The following GABRG3 variants were observed in gnomAD, a reference collection of about 807,000 sequenced individuals.
GABRG3 encodes gamma-aminobutyric acid receptor subunit gamma-3.
In GABRG3, 25 loss-of-function variants were observed where a neutral mutation model predicts 48.8. The ratio of observed to expected loss-of-function variants is 0.51; its 90% CI spans 0.37 to 0.72. GABRG3 has a LOEUF of 0.72. Ranked by LOEUF, GABRG3 falls within the 30% of genes least tolerant of loss-of-function variation. GABRG3 has a pLI of 0.00. For missense variants in GABRG3, 394 were observed against 577.9 expected (o/e 0.68, Z 3.26); for synonymous variants, 227 against 217.6 (o/e 1.04, Z -0.38).
At chr15:27,414,809 G>A (rs968473225) in intron 5 of GABRG3, among the ~76,000 whole-genome samples, 4 of 152,094 alleles carry the variant, frequency 2.6e-5, no homozygotes, top group South Asian at 4.1e-4. Flanking sequence ...TTCCTGCCCC[G>A]TGTTTTTCAG....
At chr15:27,313,735 A>G (rs1010401990) in intron 3 of GABRG3, among the ~76,000 whole-genome samples, 1 of 152,158 alleles carries the variant, frequency 6.6e-6, no homozygotes, top group Non-Finnish European at 1.5e-5. Context: ...CAATAGGTCA[A>G]AGAAGAAATC....
Position 27,306,751 on chromosome 15 carries a change from C to T in GABRG3, c.271-20058C>T, listed in dbSNP as rs556049718. ...TATATATAAACATATACAATATAAA[C>T]ATGTTTATATATAAACATACAATAT... On this transcript the variant is annotated intron_variant, in intron 3 of 9. Transcript: ENST00000615808. 1.7e-4 allele frequency among the ~76,000 whole-genome samples: 20 copies of T among 117,344 alleles called. No individual in the cohort carries two copies. The East Asian group carries it at 2.2e-3, about 13-fold the overall frequency. The allele number at this position is 117,344 out of a possible 152,430, so 77.0% of individuals were successfully genotyped here. A position where few individuals can be genotyped will look rare whatever the true frequency, so the allele number is the denominator to read the frequency against.
chr15:27,355,004 G>A (rs1354389315), intron 5 of GABRG3, among the ~76,000 whole-genome samples: 1 of 152,160 alleles, frequency 6.6e-6, no homozygotes, highest in African/African-American at 2.4e-5. Flanking sequence ...GAAGGAGAGA[G>A]CTCTGCCAAT....
chr15:27,382,839 G>A (rs1281156692), intron 5 of GABRG3, among the ~76,000 whole-genome samples: 3 of 152,178 alleles, frequency 2.0e-5, no homozygotes, highest in Non-Finnish European at 4.4e-5. Flanking sequence ...GGAGGAGTTG[G>A]TTTCGGTGGA....
chr15:27,472,605 C>G (rs928762158), intron 5 of GABRG3, among the ~76,000 whole-genome samples: 2 of 151,990 alleles, frequency 1.3e-5, no homozygotes, highest in African/African-American at 4.8e-5. Context: ...CTGTATGCCT[C>G]TAATTGTTTT....
At chr15:27,433,557 CTT>C (rs1186764886) in intron 5 of GABRG3, among the ~76,000 whole-genome samples, 1 of 152,186 alleles carries the variant, frequency 6.6e-6, no homozygotes, top group Non-Finnish European at 1.5e-5. Flanking sequence ...TTTCAGACGT[CTT>C]TACTCTGTCA....
chr15:27,138,342 G>A (rs950104639), intron 3 of GABRG3, among the ~76,000 whole-genome samples: 14 of 152,086 alleles, frequency 9.2e-5, no homozygotes, highest in Admixed American at 7.9e-4. Context: ...TTCTGACCAC[G>A]TAAATATGGT....
intron 2 of GABRG3, among the ~76,000 whole-genome samples, chr15:26,996,651 T>TA (rs1895345867): frequency 3.3e-5 from 5 of 151,012 alleles, no homozygotes; most frequent in African/African-American, 9.7e-5. Context: ...TTTATTTATT[T>TA]TATTTTAATT....
intron 6 of GABRG3, among the ~76,000 whole-genome samples, chr15:27,509,448 T>C (rs1190926943): frequency 1.3e-5 from 2 of 152,198 alleles, no homozygotes; most frequent in Non-Finnish European, 2.9e-5. Context: ...TGTTTTCTCT[T>C]CTTCTTTTGG....
chr15:27,146,938 C>T (rs1270549148), intron 3 of GABRG3, among the ~76,000 whole-genome samples: 1 of 151,918 alleles, frequency 6.6e-6, no homozygotes, highest in African/African-American at 2.4e-5. Context: ...CTACCTTATT[C>T]ATAATTACAT....
intron 6 of GABRG3, among the ~76,000 whole-genome samples, chr15:27,505,926 A>T (rs1024396088): frequency 4.6e-5 from 7 of 152,188 alleles, no homozygotes; most frequent in African/African-American, 1.7e-4. Flanking sequence ...AATGTAACTT[A>T]ATAGATATAG....
chr15:27,062,286 C>T (rs1294279123), intron 3 of GABRG3, among the ~76,000 whole-genome samples: 3 of 151,882 alleles, frequency 2.0e-5, no homozygotes, highest in African/African-American at 7.2e-5. Flanking sequence ...GGTGAGTTCA[C>T]CCTGACCACT....
At chr15:27,233,704 A>G (rs1889871569) in intron 3 of GABRG3, among the ~76,000 whole-genome samples, 1 of 152,190 alleles carries the variant, frequency 6.6e-6, no homozygotes, top group Non-Finnish European at 1.5e-5. Flanking sequence ...AGTAGATAGC[A>G]GTATATGTGA....
intron 3 of GABRG3, among the ~76,000 whole-genome samples, chr15:27,311,598 C>G (rs1892994947): frequency 6.6e-6 from 1 of 152,084 alleles, no homozygotes; most frequent in African/African-American, 2.4e-5. Context: ...CAATAAAACA[C>G]ACACACACAA....
Position 27,532,994 on chromosome 15 carries a change from CTT to C in GABRG3, c.*114_*115del. The C allele has an allele frequency of 1.0e-6, 1 of 995,388 alleles. No homozygotes were observed. The highest frequency in any genetic ancestry group is 1.5e-6 in the Non-Finnish European group (1 of 687,750). 61.7% of individuals were successfully genotyped at this position (995,388 alleles called of 1,614,324 possible). On this transcript the variant is annotated 3_prime_UTR_variant, in exon 10 of 10. Transcript: ENST00000615808. Reference sequence around the variant, plus strand: ...CAAGGAAGGACACTGCCCAGTGTATCTTGTTATAAATGACCTTTCAGCAACAC... The same window carrying C: ...CAAGGAAGGACACTGCCCAGTGTATCGTTATAAATGACCTTTCAGCAACAC...
intron 2 of GABRG3, among the ~76,000 whole-genome samples, chr15:27,014,433 A>G (rs1482516037): frequency 2.0e-5 from 3 of 150,462 alleles, no homozygotes; most frequent in African/African-American, 7.3e-5. Context: ...CTTTACTGCT[A>G]TAAATTTCTT....
At chr15:27,387,781 C>T (rs1330074037) in intron 5 of GABRG3, among the ~76,000 whole-genome samples, 1 of 128,818 alleles carries the variant, frequency 7.8e-6, no homozygotes, top group Non-Finnish European at 1.6e-5. Flanking sequence ...AAAGTCAGTG[C>T]ACTCTGCAGT....
At chr15:27,207,420 A>ATT (rs1888890447) in intron 3 of GABRG3, among the ~76,000 whole-genome samples, 2 of 152,236 alleles carry the variant, frequency 1.3e-5, no homozygotes, top group African/African-American at 4.8e-5. Flanking sequence ...AGCCTTCCAA[A>ATT]GATTCACATT....
chr15:27,473,332 A>T (rs1041071164), intron 5 of GABRG3, among the ~76,000 whole-genome samples: 1 of 152,118 alleles, frequency 6.6e-6, no homozygotes, highest in Non-Finnish European at 1.5e-5. Flanking sequence ...GAAACTATGG[A>T]AAAGGGGAGA....
Sources: allele counts gnomAD v4.1 joint callset (sites outside exome capture counted in the v4.1 genomes callset), GRCh38; gene constraint gnomAD v4.1.1; transcripts MANE v1.5; gene names NCBI Gene and HGNC (gene_info 2026-07-23, HGNC 2026-07-21).